NEK1: variants seen among roughly 807,000 people sequenced by gnomAD.
NEK1 encodes the protein NIMA related kinase 1.
Under a neutral mutation model 182.1 loss-of-function variants are expected in NEK1, and 137 were observed. The ratio of observed to expected loss-of-function variants is 0.75; its 90% CI spans 0.65 to 0.87. The LOEUF is 0.87. Among genes scored for constraint, NEK1 ranks in the 40% least tolerant of loss-of-function variants. The pLI, the probability that NEK1 is intolerant of heterozygous loss-of-function variation, is 0.00. For synonymous variants in NEK1, 513 were observed against 492.2 expected, an observed-to-expected ratio of 1.04 and a Z score of -0.56; for missense variants, 1,391 against 1,494.4, an observed-to-expected ratio of 0.93 and a Z score of 1.14.
chr4:169,453,258 A>G (rs1742185077), intron 27 of NEK1, among the ~76,000 whole-genome samples: 1 of 152,274 alleles, frequency 6.6e-6, no homozygotes, highest in Non-Finnish European at 1.5e-5. Context: ...TATAGATTCA[A>G]TGCCATTCCC....
chr4:169,448,410 C>A (rs983508593), intron 27 of NEK1, among the ~76,000 whole-genome samples: 3 of 151,778 alleles, frequency 2.0e-5, no homozygotes, highest in Admixed American at 2.0e-4. Flanking sequence ...AGTATTTATA[C>A]CTCATAGTAC....
At chr4:169,426,651 T>G (rs1165600395) in intron 29 of NEK1, among the ~76,000 whole-genome samples, 2 of 152,168 alleles carry the variant, frequency 1.3e-5, no homozygotes, top group Non-Finnish European at 2.9e-5. Context: ...AACCACTACT[T>G]TAAAGAATGG....
chr4:169,537,755 CT>C, intron 19 of NEK1, 53 bp downstream of exon 19: 1 of 1,317,704 alleles, frequency 7.6e-7, no homozygotes, highest in Non-Finnish European at 1.1e-6. Context: ...TATTCCAGAC[CT>C]TCACTTGGAA....
intron 26 of NEK1, among the ~76,000 whole-genome samples, chr4:169,466,531 A>G (rs1017206652): frequency 6.6e-6 from 1 of 152,208 alleles, no homozygotes; most frequent in South Asian, 2.1e-4. Flanking sequence ...TAAAAGAAAA[A>G]AATTTCAATT....
At position 169,577,966 on chromosome 4, in the gene NEK1, C is replaced by T. The variant is rs576234303; in HGVS notation, c.869-887G>A. Reference sequence around the variant, plus strand: ...AAAACAATCATTATCATTAAGGGTTCCACAGAATGGGTACCTTAAAGACTG... The same window carrying T: ...AAAACAATCATTATCATTAAGGGTTTCACAGAATGGGTACCTTAAAGACTG... On this transcript the variant is annotated intron_variant, in intron 11 of 35. Coordinates refer to ENST00000507142, the MANE Select transcript of NEK1 (RefSeq NM_001199397.3). 1.1e-4 allele frequency among the ~76,000 whole-genome samples: 17 copies of T among 152,034 alleles called. 2 individuals carry two copies. The South Asian group carries it at 1.9e-3, about 17-fold the overall frequency.
rs138269399 is a variant in NEK1, at chr4:169,524,701, G to A, written c.1665+13108C>T. 1.5e-3 allele frequency among the ~76,000 whole-genome samples: 222 copies of A among 152,276 alleles called. 5 individuals carry two copies. The East Asian group carries it at 0.036, about 25-fold the overall frequency. On this transcript the variant is annotated intron_variant, in intron 19 of 35. Transcript: ENST00000507142. ...TAGGGGTTGGAAAACTATGGTCCAT[G>A]GTCCAAATCCAGCCCATCACTTGTT... is the stretch of plus-strand genomic sequence containing the variant.
At chr4:169,463,941 G>A (rs1744454183) in intron 26 of NEK1, among the ~76,000 whole-genome samples, 1 of 152,018 alleles carries the variant, frequency 6.6e-6, no homozygotes, top group Non-Finnish European at 1.5e-5. Context: ...CCTCATTTAT[G>A]TTTTACATCC....
chr4:169,525,194 T>A (rs1756706572), intron 19 of NEK1, among the ~76,000 whole-genome samples: 1 of 152,216 alleles, frequency 6.6e-6, no homozygotes, highest in Non-Finnish European at 1.5e-5. Context: ...AGTGGTGCGA[T>A]CTTGGCTCAC....
intron 11 of NEK1, among the ~76,000 whole-genome samples, chr4:169,580,614 A>G (rs1766477355): frequency 1.3e-5 from 2 of 152,058 alleles, no homozygotes; most frequent in Admixed American, 6.5e-5. Context: ...TAAAGACATA[A>G]GATTTCAAGC....
At chr4:169,459,067 A>G (rs1284739417) in intron 27 of NEK1, among the ~76,000 whole-genome samples, 1 of 152,064 alleles carries the variant, frequency 6.6e-6, no homozygotes, top group African/African-American at 2.4e-5. Context: ...CCAATCCAAA[A>G]CACTTCTGAT....
At position 169,467,615 on chromosome 4, in the gene NEK1, T is replaced by C. The variant is rs183469091; in HGVS notation, c.2435-4220A>G. Among the ~76,000 whole-genome samples, 44 of 152,306 alleles carry C rather than the reference T, an allele frequency of 2.9e-4. No individual in the cohort carries two copies. The East Asian group carries it at 7.9e-3, about 27-fold the overall frequency. ...TGGTACACAGACAGTCCCTGACTTA[T>C]GATGGTTCAACTTAAGATTTTTCAA... On this transcript the variant is annotated intron_variant, in intron 26 of 35. Coordinates refer to ENST00000507142, the MANE Select transcript of NEK1 (RefSeq NM_001199397.3).
At chr4:169,419,101 C>G (rs150230546) in intron 31 of NEK1, among the ~76,000 whole-genome samples, 199 of 152,118 alleles carry the variant, frequency 1.3e-3, no homozygotes, top group African/African-American at 4.5e-3. Flanking sequence ...CTCCAAAAAC[C>G]TTACTCCCCA....
At chr4:169,572,095 G>A (rs1463574084) in intron 12 of NEK1, among the ~76,000 whole-genome samples, 1 of 151,930 alleles carries the variant, frequency 6.6e-6, no homozygotes. Flanking sequence ...GTTTCAAGCA[G>A]GAGAGTGTAA....
chr4:169,445,977 T>C (rs1278683203), intron 27 of NEK1, among the ~76,000 whole-genome samples: 2 of 151,830 alleles, frequency 1.3e-5, no homozygotes, highest in East Asian at 1.9e-4. Flanking sequence ...ATTATCCATA[T>C]AGAGAAATAC....
chr4:169,397,893 T>G (rs906556583), intron 35 of NEK1, among the ~76,000 whole-genome samples: 2 of 152,196 alleles, frequency 1.3e-5, no homozygotes, highest in African/African-American at 4.8e-5. Flanking sequence ...CCAAGCACAT[T>G]GTTGCTGATT....
chr4:169,587,533 A>G (rs753704843), intron 9 of NEK1, 26 bp downstream of exon 9: 3 of 1,299,134 alleles, frequency 2.3e-6, no homozygotes, highest in Non-Finnish European at 3.2e-6. Flanking sequence ...CATAACTTTG[A>G]AAGTATTTCA....
intron 29 of NEK1, among the ~76,000 whole-genome samples, chr4:169,432,767 C>A (rs1737669081): frequency 6.6e-6 from 1 of 151,736 alleles, no homozygotes; most frequent in Non-Finnish European, 1.5e-5. Flanking sequence ...TATCATCATA[C>A]TTTAATTAAT....
chr4:169,540,550 T>C (rs753841019), intron 18 of NEK1, among the ~76,000 whole-genome samples: 10 of 152,136 alleles, frequency 6.6e-5, no homozygotes, highest in Non-Finnish European at 1.2e-4. Context: ...AACAGTCAGT[T>C]TACTTCTTGA....
At chr4:169,449,066 C>T (rs571128635) in intron 27 of NEK1, among the ~76,000 whole-genome samples, 1 of 152,360 alleles carries the variant, frequency 6.6e-6, no homozygotes, top group South Asian at 2.1e-4. Flanking sequence ...GCCCAGCAGT[C>T]TGAGATGGAT....
Sources: gnomAD v4.1 joint callset for allele counts (sites outside exome capture counted in the v4.1 genomes callset) on GRCh38, gnomAD v4.1.1 for gene constraint, MANE v1.5 for transcripts, NCBI Gene and HGNC (gene_info 2026-07-23, HGNC 2026-07-21) for gene names.